Variants in SLC44A2 observed in about 807,000 individuals in gnomAD.
SLC44A2 encodes choline transporter-like protein 2.
SLC44A2 carries 57 observed loss-of-function variants against 90.8 expected under a neutral mutation model. The observed-to-expected ratio is 0.63, with a 90% confidence interval of 0.51 to 0.78. The LOEUF (loss-of-function observed/expected upper bound fraction) is 0.78. SLC44A2 is among the 30% of genes least tolerant of loss of function. The pLI is 0.00. For missense variants in SLC44A2, 794 were observed against 919.7 expected (o/e 0.86, Z 1.77); for synonymous variants, 355 against 360.7 (o/e 0.98, Z 0.18).
intron 1 of SLC44A2, among the ~76,000 whole-genome samples, chr19:10,610,655 T>C (rs1266627620): frequency 8.6e-6 from 1 of 116,068 alleles, no homozygotes; most frequent in African/African-American, 3.3e-5. Flanking sequence ...TTTTTTTTTT[T>C]TGAGATGGAG....
intron 1 of SLC44A2, among the ~76,000 whole-genome samples, chr19:10,617,881 C>T (rs1199270092): frequency 6.6e-6 from 1 of 152,184 alleles, no homozygotes; most frequent in Non-Finnish European, 1.5e-5. Context: ...CCGGTACTCC[C>T]TTGTCTCTCT....
At chr19:10,637,416 T>C (rs1416677477) in intron 16 of SLC44A2, 1 of 545,906 alleles carries the variant, frequency 1.8e-6, no homozygotes, top group Admixed American at 3.2e-5. Context: ...GGATTGATGG[T>C]ACTTTGTTTT....
At chr19:10,624,448 C>T (rs1329969560), upstream of SLC44A2, among the ~76,000 whole-genome samples, 1 of 152,146 alleles carries the variant, frequency 6.6e-6, no homozygotes, top group Non-Finnish European at 1.5e-5. Flanking sequence ...GGATTACAGG[C>T]ATGTGCCACC....
At chr19:10,614,123 G>T (rs2066836522) in intron 1 of SLC44A2, among the ~76,000 whole-genome samples, 1 of 151,788 alleles carries the variant, frequency 6.6e-6, no homozygotes, top group South Asian at 2.1e-4. Flanking sequence ...ACACCACCAC[G>T]CCCAGCTAAT....
rs1366579842 is a variant in SLC44A2 at position 10,640,093 on chromosome 19, TTTTTTTTTTTTTTC to T, written c.1929+1780_1929+1793del. Among the ~76,000 whole-genome samples, 3 of 76,560 alleles carry T rather than the reference TTTTTTTTTTTTTTC, an allele frequency of 3.9e-5. No homozygotes were observed. The East Asian group carries it at 9.9e-4, about 25-fold the overall frequency. The allele number at this position is 76,560 out of a possible 152,430, so 50.2% of individuals were successfully genotyped here. On this transcript the variant is annotated intron_variant, in intron 20 of 21. Transcript: ENST00000335757. ...CTCTAAGGTCCACTGACTTTTTTTTTTTTTTTTTTTTTTCTGCGATAGAGCCTTGCTCTGTCACC... is the reference window on the plus strand; with the variant it reads ...CTCTAAGGTCCACTGACTTTTTTTTTTGCGATAGAGCCTTGCTCTGTCACC...
chr19:10,625,313 G>A (rs1251652444), upstream of SLC44A2: 5 of 418,210 alleles, frequency 1.2e-5, no homozygotes, highest in Non-Finnish European at 1.5e-5. Context: ...AGGGTGGCCA[G>A]GGGTTCTAGG....
intron 1 of SLC44A2, among the ~76,000 whole-genome samples, chr19:10,617,278 C>T (rs939132749): frequency 1.3e-5 from 2 of 152,080 alleles, no homozygotes; most frequent in South Asian, 2.1e-4. Flanking sequence ...TCCCATCCTG[C>T]GGGGTTTAGA....
In SLC44A2 at chr19:10,631,132, C is replaced by CACTCCCCAGGTA; in HGVS notation, c.324_330+5dup. On this transcript the variant is annotated inframe_insertion, in exon 5 of 22. Coordinates refer to ENST00000335757, the MANE Select transcript of SLC44A2 (RefSeq NM_020428.4). Reference sequence around the variant, plus strand: ...TGGTTCTGCTGGAATTCCAATGTCCCACTCCCCAGGTAACCTGGTCCCCAC... The same window carrying CACTCCCCAGGTA: ...TGGTTCTGCTGGAATTCCAATGTCCCACTCCCCAGGTAACTCCCCAGGTAACCTGGTCCCCAC... 1 of 1,613,824 alleles carries CACTCCCCAGGTA rather than the reference C, an allele frequency of 6.2e-7. No homozygotes were observed. The highest frequency in any genetic ancestry group is 8.5e-7 in the Non-Finnish European group (1 of 1,179,812).
intron 10 of SLC44A2, 135 bp from the exon 11 acceptor site, chr19:10,634,621 G>A: frequency 8.2e-7 from 1 of 1,213,228 alleles, no homozygotes; most frequent in South Asian, 1.4e-5. Context: ...AATGCACCGG[G>A]CGGTGGGAAC....
chr19:10,640,384 C>T (rs908211020), intron 20 of SLC44A2, among the ~76,000 whole-genome samples: 1 of 152,154 alleles, frequency 6.6e-6, no homozygotes, highest in Non-Finnish European at 1.5e-5. Flanking sequence ...AGCCCCTGTG[C>T]CTGGCCATTT....
At chr19:10,603,240 GC>G (rs1187797782) in intron 1 of SLC44A2, among the ~76,000 whole-genome samples, 1 of 152,160 alleles carries the variant, frequency 6.6e-6, no homozygotes, top group Admixed American at 6.5e-5. Flanking sequence ...CAGGCATTTG[GC>G]CCCGGGGATG....
intron 1 of SLC44A2, among the ~76,000 whole-genome samples, chr19:10,618,474 CTTTTTTT>C (rs3029799): frequency 0.67 from 58,670 of 87,020 alleles, 19,066 homozygotes; most frequent in Non-Finnish European, 0.71. Context: ...TGCGCCCGGC[CTTTTTTT>C]TTTTTTTTTT....
At chr19:10,619,842 C>A (rs990865593) in intron 1 of SLC44A2, among the ~76,000 whole-genome samples, 6 of 152,066 alleles carry the variant, frequency 3.9e-5, no homozygotes, top group Non-Finnish European at 8.8e-5. Flanking sequence ...GTAGTCCCAG[C>A]TACTTGGGAG....
intron 1 of SLC44A2, among the ~76,000 whole-genome samples, chr19:10,612,645 A>G (rs757460834): frequency 6.6e-6 from 1 of 152,190 alleles, no homozygotes; most frequent in African/African-American, 2.4e-5. Flanking sequence ...GGACTTGGCC[A>G]GTGTCCGGAA....
upstream of SLC44A2, among the ~76,000 whole-genome samples, chr19:10,622,344 A>G (rs763260778): frequency 6.6e-6 from 1 of 152,052 alleles, no homozygotes; most frequent in Non-Finnish European, 1.5e-5. Context: ...GGTGGGAACC[A>G]TGGAGGTTTC....
intron 1 of SLC44A2, among the ~76,000 whole-genome samples, chr19:10,606,975 G>A (rs1176166510): frequency 1.1e-4 from 16 of 146,142 alleles, no homozygotes; most frequent in African/African-American, 3.5e-4. Flanking sequence ...GCAGTGACAC[G>A]GTCTCGGCTC....
intron 1 of SLC44A2, among the ~76,000 whole-genome samples, chr19:10,605,515 GAAAT>G (rs377003052): frequency 2.7e-5 from 4 of 150,608 alleles, no homozygotes; most frequent in South Asian, 2.1e-4. Context: ...ATTCAGTCTC[GAAAT>G]AAATAAATAA....
rs375008698 is a variant in SLC44A2, at chr19:10,635,378, A to G, written c.1149-53A>G. 1.1e-4 allele frequency: 185 copies of G among 1,610,776 alleles called. No individual in the cohort carries two copies. The African/African-American group carries it at 1.8e-3, about 16-fold the overall frequency. ...GTGGGAGAATGGATTCTTTCCCACA[A>G]AAGTCCCTGGGGTCCTCAGTCCTAG... On this transcript the variant is annotated intron_variant, in intron 13 of 21. Coordinates refer to ENST00000335757, the MANE Select transcript of SLC44A2 (RefSeq NM_020428.4).
chr19:10,641,309 A>G, intron 20 of SLC44A2: 1 of 398,262 alleles, frequency 2.5e-6, no homozygotes. Context: ...TGGAAGGATC[A>G]CTTGAGCCTG....
Sources: gnomAD v4.1 joint callset for allele counts (sites outside exome capture counted in the v4.1 genomes callset) on GRCh38, gnomAD v4.1.1 for gene constraint, MANE v1.5 for transcripts, NCBI Gene and HGNC (gene_info 2026-07-23, HGNC 2026-07-21) for gene names.